Variants in SOCS7 observed in about 807,000 individuals in gnomAD.
SOCS7 encodes NAP-4.
Under a neutral mutation model 58.9 loss-of-function variants are expected in SOCS7, and 18 were observed. The observed-to-expected ratio is 0.31, with a 90% CI of 0.21 to 0.45. The LOEUF (loss-of-function observed/expected upper bound fraction) is 0.45. Ranked by LOEUF, SOCS7 falls within the 20% of genes least tolerant of loss-of-function variation. SOCS7 has a pLI of 1.00. For missense variants in SOCS7, 667 were observed against 837.3 expected, an observed-to-expected ratio of 0.80 and a Z score of 2.51; for synonymous variants, 388 against 364.3, an observed-to-expected ratio of 1.06 and a Z score of -0.74.
intron 1 of SOCS7, among the ~76,000 whole-genome samples, chr17:38,354,114 G>A (rs184904085): frequency 2.0e-5 from 3 of 152,282 alleles, no homozygotes; most frequent in East Asian, 3.9e-4. Flanking sequence ...CATCTGTAGC[G>A]TTGGTTTACA....
intron 1 of SOCS7, among the ~76,000 whole-genome samples, chr17:38,353,690 G>A (rs943321126): frequency 1.3e-5 from 2 of 152,162 alleles, no homozygotes; most frequent in African/African-American, 4.8e-5. Flanking sequence ...GATCACCTGA[G>A]CTCAGGAGTT....
intron 2 of SOCS7, 61 bp from the exon 3 acceptor site, chr17:38,364,691 C>T (rs1461909514): frequency 7.1e-7 from 1 of 1,410,934 alleles, no homozygotes; most frequent in Admixed American, 1.7e-5. Flanking sequence ...CTTCCCTTTG[C>T]TTTCTGCATC....
intron 7 of SOCS7, among the ~76,000 whole-genome samples, chr17:38,378,234 G>A (rs536032231): frequency 4.6e-5 from 7 of 152,150 alleles, no homozygotes; most frequent in East Asian, 1.9e-4. Context: ...AGGCAGGGGC[G>A]AGCGTCAGTG....
At chr17:38,394,986 G>C (rs1035025805) in intron 7 of SOCS7, among the ~76,000 whole-genome samples, 7 of 152,130 alleles carry the variant, frequency 4.6e-5, no homozygotes, top group Admixed American at 1.3e-4. Context: ...GGAGGTCAAG[G>C]CTGCAGTGAG....
intron 1 of SOCS7, among the ~76,000 whole-genome samples, chr17:38,361,055 A>G (rs2037712416): frequency 6.6e-6 from 1 of 152,244 alleles, no homozygotes; most frequent in Admixed American, 6.5e-5. Flanking sequence ...CTGAAACAGC[A>G]TCAAGAAGTC....
chr17:38,378,406 T>C (rs912378308), intron 7 of SOCS7, among the ~76,000 whole-genome samples: 1 of 152,074 alleles, frequency 6.6e-6, no homozygotes, highest in Non-Finnish European at 1.5e-5. Context: ...TCCAGCTAGT[T>C]GGGAGGCTGA....
At chr17:38,359,852 C>A (rs1385400309) in intron 1 of SOCS7, among the ~76,000 whole-genome samples, 1 of 151,932 alleles carries the variant, frequency 6.6e-6, no homozygotes, top group East Asian at 1.9e-4. Context: ...TCATGGCTCA[C>A]TGCAGCCTTG....
chr17:38,355,693 A>G (rs768889693), intron 1 of SOCS7, among the ~76,000 whole-genome samples: 1 of 152,188 alleles, frequency 6.6e-6, no homozygotes, highest in Non-Finnish European at 1.5e-5. Flanking sequence ...GGGCTTTTGC[A>G]GTAACCTCTG....
At chr17:38,390,641 T>C (rs1212820868) in intron 7 of SOCS7, among the ~76,000 whole-genome samples, 1 of 16,146 alleles carries the variant, frequency 6.2e-5, no homozygotes, top group Non-Finnish European at 1.4e-4. Flanking sequence ...TTTGTTCGTT[T>C]TCCTTCCTTC....
Position 38,403,359 on chromosome 17 carries a change from C to T in SOCS7, c.*3877C>T, listed in dbSNP as rs902304392. On this transcript the variant is annotated 3_prime_UTR_variant, in exon 10 of 10. Transcript: ENST00000612932. Reference sequence around the variant, plus strand: ...TAGGGGTGAGAGGTGGGAGTAGAACCAGAAGTGCCCTGGAATCCAGCCGTG... The same window carrying T: ...TAGGGGTGAGAGGTGGGAGTAGAACTAGAAGTGCCCTGGAATCCAGCCGTG... 24 of 152,186 alleles carry T rather than the reference C, an allele frequency of 1.6e-4. 1 individual carries two copies. The highest frequency in any genetic ancestry group is 1.3e-3 in the Admixed American group (20 of 15,268). 9.4% of individuals were successfully genotyped at this position (152,186 alleles called of 1,614,324 possible).
In SOCS7 at chr17:38,405,216, G is replaced by T. The variant is rs140974966; in HGVS notation, c.*5734G>T. ...AGACTTGCAGGCCAATCTTAAATGGGGTGGGAGGGGTCTGAGGGTGGGATG... is the reference window on the plus strand; with the variant it reads ...AGACTTGCAGGCCAATCTTAAATGGTGTGGGAGGGGTCTGAGGGTGGGATG... On this transcript the variant is annotated 3_prime_UTR_variant, in exon 10 of 10. Transcript: ENST00000612932. 3.5e-4 allele frequency: 53 copies of T among 152,230 alleles called. No individual in the cohort carries two copies. Among genetic ancestry groups the T allele is most frequent in the Middle Eastern group, 3.4e-3 (1 of 294 alleles). The allele number at this position is 152,230 out of a possible 1,614,324, so 9.4% of individuals were successfully genotyped here.
intron 7 of SOCS7, among the ~76,000 whole-genome samples, chr17:38,389,899 A>ATATATATATGTG (rs2038143219): frequency 9.8e-5 from 1 of 10,188 alleles, no homozygotes; most frequent in Non-Finnish European, 2.2e-4. Context: ...ATATATATAT[A>ATATATATATGTG]CACATATAGA....
intron 7 of SOCS7, among the ~76,000 whole-genome samples, chr17:38,388,383 G>A (rs1383855878): frequency 6.6e-6 from 1 of 151,998 alleles, no homozygotes; most frequent in South Asian, 2.1e-4. Context: ...GCTAGGAGCG[G>A]TGGTGAGCAC....
intron 7 of SOCS7, among the ~76,000 whole-genome samples, chr17:38,385,260 A>G (rs1340826010): frequency 6.6e-6 from 1 of 151,562 alleles, no homozygotes; most frequent in Admixed American, 6.6e-5. Context: ...CTTGCAATTT[A>G]TATATTTAAA....
chr17:38,381,514 A>G (rs1280669992), intron 7 of SOCS7, among the ~76,000 whole-genome samples: 1 of 152,144 alleles, frequency 6.6e-6, no homozygotes, highest in Admixed American at 6.5e-5. Context: ...CATTTAACCA[A>G]GTGTTACCCT....
chr17:38,384,430 C>G (rs1021443857), intron 7 of SOCS7, among the ~76,000 whole-genome samples: 1 of 151,866 alleles, frequency 6.6e-6, no homozygotes, highest in African/African-American at 2.4e-5. Context: ...GTAGCTAGGA[C>G]TACAGGCATG....
chr17:38,397,903 G>A (rs981936829), intron 9 of SOCS7, among the ~76,000 whole-genome samples: 2 of 152,118 alleles, frequency 1.3e-5, no homozygotes, highest in Admixed American at 6.6e-5. Flanking sequence ...CTTGTGAGGA[G>A]GTGCCATTTC....
rs587595023 is a variant in SOCS7 at position 38,367,873 on chromosome 17, C to T, written c.1384-9C>T. Reference sequence around the variant, plus strand: ...TGATAACTAGTGGACTGCTTCTTGTCTTTGATAGTGTGGTTGGTATTGGGG... The same window carrying T: ...TGATAACTAGTGGACTGCTTCTTGTTTTTGATAGTGTGGTTGGTATTGGGG... On this transcript the variant is annotated splice_polypyrimidine_tract_variant and intron_variant, in intron 5 of 9. Transcript: ENST00000612932. The T allele has an allele frequency of 6.2e-7, 1 of 1,612,794 alleles. No homozygotes were observed. Among genetic ancestry groups the T allele is most frequent in the South Asian group, 1.1e-5 (1 of 90,914 alleles).
intron 1 of SOCS7, among the ~76,000 whole-genome samples, chr17:38,360,850 T>C (rs1555567467): frequency 6.6e-6 from 1 of 152,216 alleles, no homozygotes; most frequent in African/African-American, 2.4e-5. Context: ...GCATATAACA[T>C]ATTTCTATTA....
Sources: gnomAD v4.1 joint callset for allele counts (sites outside exome capture counted in the v4.1 genomes callset) on GRCh38, gnomAD v4.1.1 for gene constraint, MANE v1.5 for transcripts, NCBI Gene and HGNC (gene_info 2026-07-23, HGNC 2026-07-21) for gene names.